Variants in GRID1 observed in about 807,000 individuals in gnomAD.
GRID1 encodes the protein glutamate receptor ionotropic, delta-1.
In GRID1, 28 loss-of-function variants were observed where a neutral mutation model predicts 98.0. That is an observed-to-expected ratio of 0.29 (90% CI 0.21 to 0.39). The LOEUF (loss-of-function observed/expected upper bound fraction) is 0.39, where lower values mean the gene tolerates loss of function less well. Ranked by LOEUF, GRID1 falls within the 10% of genes least tolerant of loss-of-function variation. The probability of loss-of-function intolerance (pLI) is 1.00; values close to 1 mark genes in which losing one functional copy is unlikely to be tolerated. For missense variants in GRID1, 1,111 were observed against 1,340.5 expected (o/e 0.83, Z 2.67); for synonymous variants, 553 against 538.5 (o/e 1.03, Z -0.37).
intron 4 of GRID1, among the ~76,000 whole-genome samples, chr10:86,087,739 A>G (rs1366590053): frequency 6.6e-6 from 1 of 152,168 alleles, no homozygotes; most frequent in Non-Finnish European, 1.5e-5. Context: ...CAGCACAGAT[A>G]GCACAAGGGA....
In GRID1 at chr10:86,274,465, G is replaced by C. The variant is rs563252182; in HGVS notation, c.236-67817C>G. The stretch of plus-strand genomic sequence containing the variant: ...CTGTGAAGAAAGTCATTGGTAGCTT[G>C]ATGGAGATGGCATTGAATCTATAAA... On this transcript the variant is annotated intron_variant, in intron 2 of 15. Coordinates refer to ENST00000327946, the MANE Select transcript of GRID1 (RefSeq NM_017551.3). Among the ~76,000 whole-genome samples the C allele has an allele frequency of 2.2e-4, 33 of 152,332 alleles. No homozygotes were observed. In the East Asian group the frequency reaches 5.4e-3, roughly 25 times the overall value.
chr10:85,644,782 C>T (rs911215278), intron 13 of GRID1, among the ~76,000 whole-genome samples: 6 of 152,222 alleles, frequency 3.9e-5, no homozygotes, highest in African/African-American at 1.4e-4. Flanking sequence ...TGAGCACACC[C>T]CCATCAGCAA....
intron 6 of GRID1, among the ~76,000 whole-genome samples, chr10:85,862,991 A>C (rs933524389): frequency 3.9e-5 from 6 of 152,184 alleles, no homozygotes; most frequent in Non-Finnish European, 5.9e-5. Flanking sequence ...GGGGCTTCAA[A>C]GGCTGAATCC....
intron 4 of GRID1, among the ~76,000 whole-genome samples, chr10:86,084,616 A>T (rs1844024905): frequency 6.6e-6 from 1 of 152,250 alleles, no homozygotes; most frequent in Non-Finnish European, 1.5e-5. Flanking sequence ...CACAATAGCT[A>T]AAACAACTCA....
intron 2 of GRID1, among the ~76,000 whole-genome samples, chr10:86,266,999 G>A (rs1847113972): frequency 6.6e-6 from 1 of 152,180 alleles, no homozygotes; most frequent in Admixed American, 6.5e-5. Context: ...GGCTCTCTGT[G>A]TGCCTAGCAT....
intron 4 of GRID1, among the ~76,000 whole-genome samples, chr10:86,098,375 C>A (rs749214382): frequency 6.6e-6 from 1 of 152,196 alleles, no homozygotes; most frequent in Non-Finnish European, 1.5e-5. Context: ...TCATCTGATG[C>A]GATTTGGCAA....
intron 2 of GRID1, among the ~76,000 whole-genome samples, chr10:86,207,724 C>T (rs1298461877): frequency 1.3e-5 from 2 of 151,142 alleles, no homozygotes; most frequent in African/African-American, 2.4e-5. Flanking sequence ...CTCCGCCTCC[C>T]GGGTTCACGC....
chr10:86,313,308 A>G (rs1847856670), intron 2 of GRID1, among the ~76,000 whole-genome samples: 1 of 152,260 alleles, frequency 6.6e-6, no homozygotes, highest in Admixed American at 6.5e-5. Context: ...ATATCTTCTC[A>G]GGTCATCTTC....
intron 4 of GRID1, among the ~76,000 whole-genome samples, chr10:85,953,394 A>C (rs1842150103): frequency 6.6e-6 from 1 of 152,222 alleles, no homozygotes; most frequent in Admixed American, 6.5e-5. Context: ...GGAGAGGATC[A>C]GGAAAAATAA....
intron 4 of GRID1, among the ~76,000 whole-genome samples, chr10:86,000,185 G>A (rs1267925370): frequency 6.6e-6 from 1 of 152,030 alleles, no homozygotes; most frequent in East Asian, 1.9e-4. Context: ...TAGCAATGTA[G>A]AATTGGAAAA....
At chr10:86,244,477 CT>C (rs1259598642) in intron 2 of GRID1, among the ~76,000 whole-genome samples, 2 of 152,250 alleles carry the variant, frequency 1.3e-5, no homozygotes, top group Non-Finnish European at 2.9e-5. Context: ...GATAATGTCT[CT>C]GATCTAGAAA....
chr10:86,160,733 C>T (rs1479680067), intron 3 of GRID1, among the ~76,000 whole-genome samples: 3 of 152,210 alleles, frequency 2.0e-5, no homozygotes, highest in Admixed American at 2.0e-4. Flanking sequence ...AAGAGTCCTT[C>T]CAGGGGGGAA....
At chr10:85,912,965 G>A (rs1841561878) in intron 5 of GRID1, among the ~76,000 whole-genome samples, 2 of 152,170 alleles carry the variant, frequency 1.3e-5, no homozygotes, top group South Asian at 4.1e-4. Flanking sequence ...GGACTTTTGT[G>A]TTCAATTGGG....
At chr10:85,704,016 T>C (rs1362750072) in intron 12 of GRID1, among the ~76,000 whole-genome samples, 2 of 152,182 alleles carry the variant, frequency 1.3e-5, no homozygotes, top group African/African-American at 4.8e-5. Context: ...TATGAAATTC[T>C]GGGTTGAAAA....
At chr10:85,609,082 A>G (rs1024799427) in intron 15 of GRID1, among the ~76,000 whole-genome samples, 6 of 152,206 alleles carry the variant, frequency 3.9e-5, no homozygotes, top group African/African-American at 1.4e-4. Flanking sequence ...GCTCATGCAC[A>G]TACCCAGAGG....
chr10:85,735,346 G>A (rs911086419), intron 8 of GRID1, among the ~76,000 whole-genome samples: 3 of 152,170 alleles, frequency 2.0e-5, no homozygotes, highest in African/African-American at 7.2e-5. Flanking sequence ...CAGAAATGTG[G>A]ATGGAGCCAG....
chr10:86,098,386 G>GCACTCATC (rs2131943153), intron 4 of GRID1, among the ~76,000 whole-genome samples: 1 of 152,312 alleles, frequency 6.6e-6, no homozygotes, highest in African/African-American at 2.4e-5. Flanking sequence ...GATTTGGCAA[G>GCACTCATC]CACTCATCGG....
At chr10:85,647,548 T>G in intron 12 of GRID1, 151 bp from the exon 13 acceptor site, 1 of 652,852 alleles carries the variant, frequency 1.5e-6, no homozygotes, top group South Asian at 1.8e-5. Flanking sequence ...GTTCAAGTCC[T>G]TCAGCCCAGA....
intron 8 of GRID1, among the ~76,000 whole-genome samples, chr10:85,824,178 T>TTTTGTTTG (rs3057656): frequency 9.4e-4 from 142 of 151,672 alleles, no homozygotes; most frequent in South Asian, 3.6e-3. Context: ...AAAGAGTTGA[T>TTTTGTTTG]TTTGTTTGTT....
Sources: allele counts gnomAD v4.1 joint callset (sites outside exome capture counted in the v4.1 genomes callset), GRCh38; gene constraint gnomAD v4.1.1; transcripts MANE v1.5; gene names NCBI Gene and HGNC (gene_info 2026-07-23, HGNC 2026-07-21).